The following SPATA17 variants were observed in gnomAD, a reference collection of about 807,000 sequenced individuals.
SPATA17 encodes spermatogenesis associated 17.
Under a neutral mutation model 62.2 loss-of-function variants are expected in SPATA17, and 53 were observed. The observed-to-expected ratio is 0.85, with a 90% confidence interval of 0.68 to 1.07. The LOEUF (loss-of-function observed/expected upper bound fraction) is 1.07. SPATA17 is among the 50% of genes least tolerant of loss of function. SPATA17 has a pLI of 0.00. For missense variants in SPATA17, 466 were observed against 425.5 expected (o/e 1.10, Z -0.84); for synonymous variants, 146 against 146.8 (o/e 0.99, Z 0.04).
intron 9 of SPATA17, among the ~76,000 whole-genome samples, chr1:217,818,051 G>T (rs559567449): frequency 1.3e-5 from 2 of 151,988 alleles, no homozygotes; most frequent in East Asian, 1.9e-4. Context: ...TAGATTGCAA[G>T]AATTCACTTT....
chr1:217,701,212 T>C (rs1671588702), intron 5 of SPATA17, among the ~76,000 whole-genome samples: 2 of 151,592 alleles, frequency 1.3e-5, no homozygotes, highest in Non-Finnish European at 2.9e-5. Flanking sequence ...TGACCTCAAG[T>C]GATTCGTTGC....
intron 7 of SPATA17, among the ~76,000 whole-genome samples, chr1:217,779,955 G>T (rs1026298607): frequency 6.6e-6 from 1 of 152,078 alleles, no homozygotes; most frequent in Non-Finnish European, 1.5e-5. Context: ...TGGAGGCAAT[G>T]TAAACTAAAC....
intron 9 of SPATA17, among the ~76,000 whole-genome samples, chr1:217,842,068 G>T (rs995112206): frequency 6.6e-6 from 1 of 151,658 alleles, no homozygotes; most frequent in Admixed American, 6.6e-5. Flanking sequence ...AAATTCTTCT[G>T]CATCTATGAG....
chr1:217,769,929 TCTGA>T (rs1024453503), intron 6 of SPATA17, among the ~76,000 whole-genome samples: 58 of 152,354 alleles, frequency 3.8e-4, no homozygotes, highest in African/African-American at 1.3e-3. Context: ...GTGTTAACAC[TCTGA>T]CTATCTCCTA....
chr1:217,793,931 CG>C (rs1348092900), intron 8 of SPATA17, among the ~76,000 whole-genome samples: 2 of 151,870 alleles, frequency 1.3e-5, no homozygotes, highest in East Asian at 3.9e-4. Flanking sequence ...CTGGCTATCA[CG>C]GTGAAACCCC....
At chr1:217,731,040 G>T (rs1672392273) in intron 5 of SPATA17, among the ~76,000 whole-genome samples, 1 of 151,918 alleles carries the variant, frequency 6.6e-6, no homozygotes, top group South Asian at 2.1e-4. Flanking sequence ...AAGCATAAAG[G>T]CACTGTAAAC....
intron 6 of SPATA17, among the ~76,000 whole-genome samples, chr1:217,770,036 A>C (rs959081430): frequency 1.3e-5 from 2 of 152,222 alleles, no homozygotes; most frequent in Non-Finnish European, 2.9e-5. Flanking sequence ...TGGTCAGTGT[A>C]GATTCAGCAG....
Position 217,850,670 on chromosome 1 carries a change from G to T in SPATA17, c.1006-12104G>T, listed in dbSNP as rs941646618. 46 of 1,505,922 alleles carry T rather than the reference G, an allele frequency of 3.1e-5. No homozygotes were observed. The Admixed American group carries it at 7.1e-4, about 23-fold the overall frequency. 93.3% of individuals were successfully genotyped at this position (1,505,922 alleles called of 1,614,324 possible). ...AGCAGATACGAGGATGCTGCGAATC[G>T]CCAGTCATGTCCAGCCACAGGAACA... On this transcript the variant is annotated intron_variant, in intron 9 of 10. Coordinates refer to ENST00000366933, the MANE Select transcript of SPATA17 (RefSeq NM_138796.4).
intron 9 of SPATA17, among the ~76,000 whole-genome samples, chr1:217,833,387 T>G (rs993876365): frequency 6.6e-6 from 1 of 152,168 alleles, no homozygotes; most frequent in African/African-American, 2.4e-5. Flanking sequence ...TACAGTGTAA[T>G]TATATTCTCT....
At chr1:217,763,925 A>G (rs1673237134) in intron 6 of SPATA17, among the ~76,000 whole-genome samples, 1 of 152,160 alleles carries the variant, frequency 6.6e-6, no homozygotes, top group South Asian at 2.1e-4. Flanking sequence ...TATATTTTAG[A>G]GCAGTTTTAG....
At chr1:217,850,917 A>G (rs1025875115) in intron 9 of SPATA17, among the ~76,000 whole-genome samples, 3 of 152,128 alleles carry the variant, frequency 2.0e-5, no homozygotes, top group Non-Finnish European at 2.9e-5. Flanking sequence ...ACTGTGAGAA[A>G]GGTATGATTA....
At chr1:217,793,053 G>A (rs1558053268) in intron 8 of SPATA17, among the ~76,000 whole-genome samples, 2 of 152,114 alleles carry the variant, frequency 1.3e-5, no homozygotes, top group African/African-American at 4.8e-5. Flanking sequence ...TGAAAACACT[G>A]TTCTTCAGTT....
At chr1:217,808,757 A>G (rs1674507751) in intron 9 of SPATA17, among the ~76,000 whole-genome samples, 1 of 151,888 alleles carries the variant, frequency 6.6e-6, no homozygotes, top group African/African-American at 2.4e-5. Context: ...TGGGAGGCTG[A>G]GGCAGGAGAA....
At chr1:217,744,142 A>G (rs71647126) in intron 6 of SPATA17, among the ~76,000 whole-genome samples, 1 of 152,014 alleles carries the variant, frequency 6.6e-6, no homozygotes, top group African/African-American at 2.4e-5. Flanking sequence ...ATTTCATTTC[A>G]TTTTTAAAAT....
intron 8 of SPATA17, among the ~76,000 whole-genome samples, chr1:217,786,105 G>T (rs1447890229): frequency 6.6e-6 from 1 of 152,112 alleles, no homozygotes; most frequent in African/African-American, 2.4e-5. Flanking sequence ...TTCAACAGAT[G>T]TTTACATGTC....
intron 5 of SPATA17, among the ~76,000 whole-genome samples, chr1:217,707,887 C>A (rs1041771349): frequency 6.6e-6 from 1 of 152,122 alleles, no homozygotes; most frequent in African/African-American, 2.4e-5. Context: ...AAATAGAAAT[C>A]CTTGTTAAGA....
intron 9 of SPATA17, among the ~76,000 whole-genome samples, chr1:217,861,387 T>TTATACATATA (rs1675894259): frequency 6.9e-6 from 1 of 145,374 alleles, no homozygotes; most frequent in East Asian, 2.0e-4. Flanking sequence ...AAATAAAATA[T>TTATACATATA]TATATATATA....
intron 6 of SPATA17, among the ~76,000 whole-genome samples, chr1:217,762,000 T>G (rs1365089935): frequency 6.6e-6 from 1 of 152,178 alleles, no homozygotes; most frequent in Non-Finnish European, 1.5e-5. Flanking sequence ...CTGTTCCACC[T>G]CTTCGTAGCA....
chr1:217,699,289 T>C (rs572833966), intron 5 of SPATA17, among the ~76,000 whole-genome samples: 1 of 152,342 alleles, frequency 6.6e-6, no homozygotes, highest in South Asian at 2.1e-4. Context: ...AAAACTGTTT[T>C]CCTGAGCAGC....
Sources: allele counts gnomAD v4.1 joint callset (sites outside exome capture counted in the v4.1 genomes callset), GRCh38; gene constraint gnomAD v4.1.1; transcripts MANE v1.5; gene names NCBI Gene and HGNC (gene_info 2026-07-23, HGNC 2026-07-21).